The following CNOT1 variants were observed in gnomAD, a reference collection of about 807,000 sequenced individuals.
The protein encoded by CNOT1 is CCR4-associated factor 1.
Under a neutral mutation model 273.8 loss-of-function variants are expected in CNOT1, and 15 were observed. That is an observed-to-expected ratio of 0.05 (90% confidence interval 0.04 to 0.08). CNOT1 has a LOEUF of 0.08. Ranked by LOEUF, CNOT1 falls within the 10% of genes least tolerant of loss-of-function variation. The probability of loss-of-function intolerance (pLI) is 1.00; values close to 1 mark genes in which losing one functional copy is unlikely to be tolerated. For missense variants in CNOT1, 1,644 were observed against 2,912.2 expected (o/e 0.56, Z 10.02); for synonymous variants, 1,022 against 1,005.5 (o/e 1.02, Z -0.31).
intron 3 of CNOT1, among the ~76,000 whole-genome samples, 182 bp downstream of exon 3, chr16:58,588,617 T>C (rs2041952787): frequency 6.6e-6 from 1 of 152,102 alleles, no homozygotes. Context: ...GTAGCTGTTA[T>C]AGTCTACAGC....
intron 29 of CNOT1, 116 bp from the exon 30 acceptor site, chr16:58,545,607 G>T: frequency 1.3e-6 from 2 of 1,506,872 alleles, no homozygotes; most frequent in Non-Finnish European, 1.8e-6. Context: ...ATTGGGAGAG[G>T]AGGGAAGGAT....
chr16:58,603,060 G>GC (rs762283951), intron 1 of CNOT1, among the ~76,000 whole-genome samples: 1 of 152,064 alleles, frequency 6.6e-6, no homozygotes. Flanking sequence ...TTTTGGCTCC[G>GC]CCTATAAAAT....
intron 39 of CNOT1, among the ~76,000 whole-genome samples, chr16:58,536,570 A>T (rs1052061504): frequency 6.6e-6 from 1 of 152,154 alleles, no homozygotes; most frequent in Non-Finnish European, 1.5e-5. Context: ...TAGATATTTA[A>T]ATTAGAAAAT....
rs377330465 is a variant in CNOT1, at chr16:58,528,499, G to A, written c.6429C>T (p.Pro2143=). The change falls in exon 44 of 49, where the codon CCC becomes CCT. Residue 2143 remains proline (P), a synonymous_variant. Coordinates refer to ENST00000317147, the MANE Select transcript of CNOT1 (RefSeq NM_016284.5). ...LSAFPRNMRL[P]DPFTPNLKVD... The stretch of plus-strand genomic sequence containing the variant: ...CCTTTAGATTAGGAGTGAATGGGTC[G>A]GGGAGCCTCATGTTTCTTGGAAAGG... 6.8e-5 allele frequency: 110 copies of A among 1,613,210 alleles called. No individual in the cohort carries two copies. Among genetic ancestry groups the A allele is most frequent in the African/African-American group, 1.6e-4 (12 of 74,824 alleles).
chr16:58,545,749 T>C (rs2040239737), intron 29 of CNOT1, among the ~76,000 whole-genome samples: 1 of 152,176 alleles, frequency 6.6e-6, no homozygotes, highest in Non-Finnish European at 1.5e-5. Flanking sequence ...CCATGCCATA[T>C]TGTCAGGCCC....
chr16:58,616,401 C>T (rs1471627210), intron 1 of CNOT1, among the ~76,000 whole-genome samples: 3 of 151,136 alleles, frequency 2.0e-5, no homozygotes, highest in Non-Finnish European at 3.0e-5. Context: ...CCACCACGCC[C>T]GGCCTACAAG....
At chr16:58,575,165 G>A in intron 14 of CNOT1, 36 bp from the exon 15 acceptor site, 1 of 1,597,842 alleles carries the variant, frequency 6.3e-7, no homozygotes, top group Non-Finnish European at 8.5e-7. Context: ...TGCAAATGGA[G>A]CAATTAAGTA....
rs1220437075 is a variant in CNOT1 at position 58,534,275 on chromosome 16, C to A, written c.5767G>T (p.Ala1923Ser). ...TTGGCTCGGATCATGGTGGGATTGGCAGCAGGATTGTGCTGCTGCTCAGCC... is the reference window on the plus strand; with the variant it reads ...TTGGCTCGGATCATGGTGGGATTGGAAGCAGGATTGTGCTGCTGCTCAGCC... ...AQAEQQHNPA[A>S]NPTMIRAKCY... is the part of the protein sequence containing the mutation. The change falls in exon 40 of 49, where the codon GCC (alanine) becomes TCC (serine). Residue 1923 changes from alanine (A) to serine (S), a missense_variant. By Grantham distance (99) the Ala-to-Ser change is moderately conservative. Transcript: ENST00000317147. 82 of 1,614,002 alleles carry A rather than the reference C, an allele frequency of 5.1e-5. No individual in the cohort carries two copies. Among genetic ancestry groups the A allele is most frequent in the Non-Finnish European group, 6.8e-5 (80 of 1,180,034 alleles).
intron 1 of CNOT1, among the ~76,000 whole-genome samples, chr16:58,618,426 CA>C: frequency 6.6e-6 from 1 of 151,866 alleles, no homozygotes; most frequent in East Asian, 1.9e-4. Context: ...ACTAAAGATA[CA>C]AAAAATTAGC....
chr16:58,543,736 A>C lies in CNOT1; in HGVS notation c.4305T>G (p.Ser1435=). Residue 1435 remains serine, a synonymous_variant, in exon 31 of 49, where the codon TCT becomes TCG. Transcript: ENST00000317147. ...RKDFALDSEE[S]RMRIAAHHMM... is the part of the protein sequence containing the mutation. ...TGTGATGAGCTGCTATTCGCATTCG[A>C]GATTCCTCCGAATCCAGGGCAAAAT... 6.2e-7 allele frequency: 1 copy of C among 1,614,114 alleles called. No homozygotes were observed. The highest frequency in any genetic ancestry group is 1.3e-5 in the African/African-American group (1 of 75,006).
intron 16 of CNOT1, among the ~76,000 whole-genome samples, chr16:58,567,026 C>A (rs1157781969): frequency 6.6e-6 from 1 of 151,894 alleles, no homozygotes; most frequent in Non-Finnish European, 1.5e-5. Context: ...TGGTGGCATG[C>A]GTCTATAGGA....
intron 16 of CNOT1, among the ~76,000 whole-genome samples, chr16:58,574,310 T>C (rs2041387975): frequency 6.6e-6 from 1 of 151,800 alleles, no homozygotes; most frequent in Admixed American, 6.6e-5. Flanking sequence ...CCATGCACTA[T>C]GGGCAATTGC....
In CNOT1 at chr16:58,578,862, C is replaced by T. The variant is rs1206043798; in HGVS notation, c.1421G>A (p.Ser474Asn). 2 of 1,614,034 alleles carry T rather than the reference C, an allele frequency of 1.2e-6. No individual in the cohort carries two copies. Among genetic ancestry groups the T allele is most frequent in the Non-Finnish European group, 1.7e-6 (2 of 1,180,038 alleles). Residue 474 changes from serine (S) to asparagine (N), a missense_variant, in exon 13 of 49, where the codon AGC becomes AAC. Around this residue, in one of 13 missense-constraint regions of CNOT1, gnomAD observed 706 missense variants for 1,021.2 expected, o/e 0.69. Transcript: ENST00000317147. Reference sequence around the variant, plus strand: ...GTCTGGACAGTGTTTGATAGGGAAGCTGAAGAGCTGTTTGACTTGCTCATA... The same window carrying T: ...GTCTGGACAGTGTTTGATAGGGAAGTTGAAGAGCTGTTTGACTTGCTCATA... ...GQYEQVKQLF[S>N]FPIKHCPDML... is the part of the protein sequence containing the mutation.
chr16:58,534,115 G>C, intron 40 of CNOT1, 32 bp downstream of exon 40: 2 of 1,606,680 alleles, frequency 1.2e-6, no homozygotes, highest in Non-Finnish European at 1.7e-6. Context: ...CACTGATGTA[G>C]ACCAAGACTA....
Position 58,538,162 on chromosome 16 carries a change from G to A in CNOT1, c.5240C>T (p.Ala1747Val), listed in dbSNP as rs200291710. 4.5e-6 allele frequency: 7 copies of A among 1,564,874 alleles called. No individual in the cohort carries two copies. The highest frequency in any genetic ancestry group is 1.1e-5 in the South Asian group (1 of 90,146). ...GCAAGTAAATTCCTTCCATACCTGC[G>A]CTAGGTGAAGATCATACTGCTGCAT... ...VNMQQYDLHL[A>V]QSMENGLNYM... is the part of the protein sequence containing the mutation. The change falls in exon 37 of 49, where the codon GCG becomes GTG. Residue 1747 changes from alanine (A) to valine (V), a missense_variant. Around this residue, in one of 13 missense-constraint regions of CNOT1, gnomAD observed 170 missense variants for 273.1 expected, o/e 0.62. Transcript: ENST00000317147.
intron 22 of CNOT1, among the ~76,000 whole-genome samples, chr16:58,552,225 G>C (rs1230522914): frequency 6.6e-6 from 1 of 151,272 alleles, no homozygotes; most frequent in African/African-American, 2.4e-5. Context: ...TCACAATAAA[G>C]CTGTTATTAC....
intron 1 of CNOT1, among the ~76,000 whole-genome samples, chr16:58,621,910 C>CAAA (rs58087048): frequency 6.4e-4 from 55 of 85,292 alleles, no homozygotes; most frequent in Admixed American, 1.1e-3. Context: ...GACTCCGTCT[C>CAAA]AAAAAAAAAA....
At chr16:58,616,418 GT>G (rs1210298922) in intron 1 of CNOT1, among the ~76,000 whole-genome samples, 1 of 151,558 alleles carries the variant, frequency 6.6e-6, no homozygotes, top group African/African-American at 2.4e-5. Context: ...CAAGGACTTT[GT>G]TTTTATTTTT....
chr16:58,541,392 T>A, intron 34 of CNOT1, 109 bp downstream of exon 34: 1 of 1,488,344 alleles, frequency 6.7e-7, no homozygotes, highest in Non-Finnish European at 9.0e-7. Context: ...ATAGGTGTTT[T>A]TTCCCCTGTA....
Sources: gnomAD v4.1 joint callset for allele counts (sites outside exome capture counted in the v4.1 genomes callset) on GRCh38, gnomAD v4.1.1 for gene constraint, gnomAD v4.1.1 regional missense constraint, MANE v1.5 for transcripts, NCBI Gene and HGNC (gene_info 2026-07-23, HGNC 2026-07-21) for gene names.